The following DOCK3 variants were observed in gnomAD, a reference collection of about 807,000 sequenced individuals.
The protein encoded by DOCK3 is dedicator of cytokinesis protein 3.
Under a neutral mutation model 265.6 loss-of-function variants are expected in DOCK3, and 60 were observed. That is an observed-to-expected ratio of 0.23 (90% CI 0.18 to 0.28). DOCK3 has a LOEUF of 0.28. Ranked by LOEUF, DOCK3 falls within the 10% of genes least tolerant of loss-of-function variation. DOCK3 has a pLI of 1.00. For missense variants in DOCK3, 1,981 were observed against 2,594.3 expected, an observed-to-expected ratio of 0.76 and a Z score of 5.14; for synonymous variants, 881 against 938.0, an observed-to-expected ratio of 0.94 and a Z score of 1.11.
intron 4 of DOCK3, chr3:50,900,883 A>G: frequency 2.3e-6 from 1 of 427,592 alleles, no homozygotes. Context: ...GATGCCAGCC[A>G]GAGCTCTCCT....
At chr3:50,885,364 G>GTTTT (rs62977761) in intron 3 of DOCK3, among the ~76,000 whole-genome samples, 1 of 129,604 alleles carries the variant, frequency 7.7e-6, no homozygotes, top group Non-Finnish European at 1.7e-5. Context: ...TTTGTATGCA[G>GTTTT]TTTTTTTTTT....
chr3:51,308,191 C>T (rs1483325802), intron 27 of DOCK3, among the ~76,000 whole-genome samples: 1 of 151,070 alleles, frequency 6.6e-6, no homozygotes, highest in Non-Finnish European at 1.5e-5. Flanking sequence ...AAAAATGCAA[C>T]AAAACTCATT....
At chr3:51,018,084 G>T (rs1353029123) in intron 5 of DOCK3, among the ~76,000 whole-genome samples, 2 of 151,188 alleles carry the variant, frequency 1.3e-5, no homozygotes, top group African/African-American at 4.9e-5. Flanking sequence ...TAGAGATGGG[G>T]TTTCACTATG....
intron 4 of DOCK3, among the ~76,000 whole-genome samples, chr3:50,918,926 T>A (rs2050279630): frequency 6.6e-6 from 1 of 152,218 alleles, no homozygotes; most frequent in Admixed American, 6.5e-5. Context: ...CCTTCTTGAA[T>A]TAATTTTCGT....
intron 3 of DOCK3, among the ~76,000 whole-genome samples, chr3:50,884,049 T>A (rs560203817): frequency 6.6e-6 from 1 of 152,260 alleles, no homozygotes; most frequent in South Asian, 2.1e-4. Flanking sequence ...GTACGTTCCT[T>A]TTTATGGCTG....
intron 5 of DOCK3, among the ~76,000 whole-genome samples, chr3:51,023,814 CT>C (rs113482594): frequency 6.6e-6 from 1 of 152,070 alleles, no homozygotes; most frequent in African/African-American, 2.4e-5. Context: ...TCACCTTTCT[CT>C]TGTATTTCCT....
intron 3 of DOCK3, among the ~76,000 whole-genome samples, chr3:50,862,105 G>C (rs1363769418): frequency 1.3e-5 from 2 of 152,158 alleles, no homozygotes; most frequent in Non-Finnish European, 2.9e-5. Flanking sequence ...TTTCTTGCGA[G>C]ATTGATTTGG....
In DOCK3 at chr3:50,787,290, C is replaced by G. The variant is rs1343642379; in HGVS notation, c.121+8532C>G. The G allele has an allele frequency of 1.6e-5, 7 of 447,136 alleles. No homozygotes were observed. The Middle Eastern group carries it at 2.0e-3, about 126-fold the overall frequency. The allele number at this position is 447,136 out of a possible 1,614,324, so 27.7% of individuals were successfully genotyped here. On this transcript the variant is annotated intron_variant, in intron 2 of 52. Coordinates refer to ENST00000266037, the MANE Select transcript of DOCK3 (RefSeq NM_004947.5). ...GGGGCACACGCCTGTAATCCCAGCA[C>G]TTTGGGAGGCTGAGGCGGGCTGATC...
At chr3:50,915,646 A>C (rs1481161597) in intron 4 of DOCK3, among the ~76,000 whole-genome samples, 1 of 152,020 alleles carries the variant, frequency 6.6e-6, no homozygotes, top group Non-Finnish European at 1.5e-5. Context: ...GCTTCAGCTG[A>C]GGCCTGGGGA....
chr3:50,982,681 G>A (rs1362858156), intron 5 of DOCK3, among the ~76,000 whole-genome samples: 1 of 152,214 alleles, frequency 6.6e-6, no homozygotes, highest in African/African-American at 2.4e-5. Flanking sequence ...CGGGAGCCAG[G>A]GACAAGTGGG....
intron 1 of DOCK3, chr3:50,719,489 T>C: frequency 1.2e-6 from 1 of 823,914 alleles, no homozygotes; most frequent in South Asian, 1.6e-5. Flanking sequence ...TTATTAGAAT[T>C]GTCCACAGTC....
At chr3:51,234,254 A>AT (rs1314568932) in intron 19 of DOCK3, among the ~76,000 whole-genome samples, 5 of 152,074 alleles carry the variant, frequency 3.3e-5, no homozygotes, top group African/African-American at 1.2e-4. Flanking sequence ...GATGATGAGC[A>AT]TTTTTTCATA....
intron 4 of DOCK3, among the ~76,000 whole-genome samples, chr3:50,908,260 C>G (rs1248610276): frequency 2.0e-5 from 2 of 100,788 alleles, no homozygotes; most frequent in Non-Finnish European, 4.0e-5. Context: ...TTCTTGCTTT[C>G]TACTAGCTTT....
intron 27 of DOCK3, among the ~76,000 whole-genome samples, chr3:51,306,745 C>T (rs542990729): frequency 1.8e-4 from 28 of 152,228 alleles, no homozygotes; most frequent in Admixed American, 1.4e-3. Flanking sequence ...AATTTATATT[C>T]GGTGTACTTT....
At chr3:51,160,833 T>C (rs1051558369) in intron 12 of DOCK3, 131 bp downstream of exon 12, 4 of 1,159,494 alleles carry the variant, frequency 3.4e-6, no homozygotes, top group Non-Finnish European at 4.6e-6. Context: ...TCCCAACACT[T>C]TGGGAGGCCA....
rs1333478693 is a variant in DOCK3 at position 51,361,824 on chromosome 3, C to T, written c.5007-35C>T. On this transcript the variant is annotated intron_variant, in intron 47 of 52. Transcript: ENST00000266037. This position sits in a 1 kb window ranked among gnomAD's most constrained non-coding sequence, Gnocchi z 4.2. ...CTGTCCCCCTGCCACCTGCCATGGG[C>T]CTGACTCCTCCCTATTTCCCACTCT... 2 of 1,603,278 alleles carry T rather than the reference C, an allele frequency of 1.2e-6. No homozygotes were observed. The highest frequency in any genetic ancestry group is 2.7e-5 in the African/African-American group (2 of 74,840).
intron 31 of DOCK3, among the ~76,000 whole-genome samples, chr3:51,313,718 T>C (rs1032998584): frequency 6.6e-6 from 1 of 152,198 alleles, no homozygotes; most frequent in African/African-American, 2.4e-5. Flanking sequence ...ACCACTAACC[T>C]AGAGGCAGCA....
At chr3:50,918,459 G>C (rs2050253154) in intron 4 of DOCK3, among the ~76,000 whole-genome samples, 3 of 152,098 alleles carry the variant, frequency 2.0e-5, no homozygotes, top group Admixed American at 2.0e-4. Context: ...ATTTTAACTG[G>C]TGTGAGATAG....
intron 2 of DOCK3, among the ~76,000 whole-genome samples, chr3:50,811,793 A>C (rs2043774861): frequency 6.6e-6 from 1 of 152,264 alleles, no homozygotes; most frequent in Non-Finnish European, 1.5e-5. Flanking sequence ...TATTGTTATA[A>C]CAGTTATGAT....
Sources: gnomAD v4.1 joint callset for allele counts (sites outside exome capture counted in the v4.1 genomes callset) on GRCh38, gnomAD v4.1.1 for gene constraint, Gnocchi (gnomAD v3.1) non-coding constraint, MANE v1.5 for transcripts, NCBI Gene and HGNC (gene_info 2026-07-23, HGNC 2026-07-21) for gene names.